The following ZMYND8 variants were observed in gnomAD, a reference collection of about 807,000 sequenced individuals.
ZMYND8 encodes the protein zinc finger MYND-type containing 8.
Under a neutral mutation model 140.8 loss-of-function variants are expected in ZMYND8, and 37 were observed. That is an observed-to-expected ratio of 0.26 (90% confidence interval 0.20 to 0.35). The LOEUF is 0.35. Ranked by LOEUF, ZMYND8 falls within the 10% of genes least tolerant of loss-of-function variation. ZMYND8 has a pLI of 1.00. For missense variants in ZMYND8, 1,068 were observed against 1,570.0 expected, an observed-to-expected ratio of 0.68 and a Z score of 5.40; for synonymous variants, 592 against 597.1, an observed-to-expected ratio of 0.99 and a Z score of 0.12.
intron 11 of ZMYND8, among the ~76,000 whole-genome samples, chr20:47,270,697 G>GAAAAAAAAAAAAA (rs34474269): frequency 9.2e-5 from 8 of 86,642 alleles, no homozygotes; most frequent in African/African-American, 1.4e-4. Context: ...CCCTGTCTCT[G>GAAAAAAAAAAAAA]AAAAAAAAAA....
chr20:47,276,378 C>A lies in ZMYND8; in HGVS notation c.1416G>T (p.Lys472Asn). The stretch of plus-strand genomic sequence containing the variant: ...CACTGAAGTGGCTCGACGTGGCCTT[C>A]TTCTCAGCATCCTGCTCCACGTCGG... Reference protein sequence around the residue: ...TGSDVEQDAEKKATSSHFSAS... With the variant: ...TGSDVEQDAENKATSSHFSAS... Residue 472 changes from lysine to asparagine, a missense_variant, in exon 11 of 23, where the codon AAG (lysine) becomes AAT (asparagine). Around this residue, in one of 10 missense-constraint regions of ZMYND8, gnomAD observed 173 missense variants for 223.3 expected, o/e 0.77. Coordinates refer to ENST00000471951, the MANE Select transcript of ZMYND8 (RefSeq NM_001281775.3). 1 of 1,605,508 alleles carries A rather than the reference C, an allele frequency of 6.2e-7. No homozygotes were observed. The highest frequency in any genetic ancestry group is 8.5e-7 in the Non-Finnish European group (1 of 1,172,968).
intron 2 of ZMYND8, among the ~76,000 whole-genome samples, chr20:47,311,584 T>C (rs1335822480): frequency 6.6e-6 from 1 of 152,114 alleles, no homozygotes; most frequent in African/African-American, 2.4e-5. Flanking sequence ...ATTTGTAGAA[T>C]GTGTTTCTAG....
intron 14 of ZMYND8, among the ~76,000 whole-genome samples, chr20:47,239,475 ACAGATTCAATGTT>A (rs1209654915): frequency 6.6e-6 from 1 of 152,214 alleles, no homozygotes; most frequent in Admixed American, 6.5e-5. Context: ...CGGTGGGCGA[ACAGATTCAATGTT>A]CACGCCCTTT....
At chr20:47,342,858 AAAAAG>A (rs1213798652) in intron 2 of ZMYND8, among the ~76,000 whole-genome samples, 19 of 151,814 alleles carry the variant, frequency 1.3e-4, no homozygotes, top group African/African-American at 2.7e-4. Context: ...AAAAAAAAAA[AAAAAG>A]AAAAGAAAGA....
intron 1 of ZMYND8, chr20:47,353,050 A>T (rs2082924489): frequency 6.6e-6 from 1 of 152,200 alleles, no homozygotes; most frequent in Non-Finnish European, 1.5e-5. Context: ...AGGCTGACAA[A>T]TGTCTGCTGC....
Position 47,238,784 on chromosome 20 carries a change from C to T in ZMYND8, c.2639G>A (p.Arg880Lys). 6.2e-7 allele frequency: 1 copy of T among 1,612,590 alleles called. No homozygotes were observed. ...QQQPQSSQGT[R>K]YQTRQAVKAV... ...TTTCACAGCCTGTCTGGTCTGATAT[C>T]TCGTCCCCTGGGAAGACTGAGGCTG... Residue 880 changes from arginine to lysine, a missense_variant, in exon 15 of 23, where the codon AGA becomes AAA. Physicochemically the swap from Arg to Lys is conservative, Grantham distance 26 (BLOSUM62 2). Transcript: ENST00000471951.
chr20:47,210,656 T>C lies in ZMYND8; in HGVS notation c.*105A>G. 6.3e-7 allele frequency: 1 copy of C among 1,599,570 alleles called. No homozygotes were observed. The highest frequency in any genetic ancestry group is 8.6e-7 in the Non-Finnish European group (1 of 1,168,598). On this transcript the variant is annotated 3_prime_UTR_variant, in exon 23 of 23. Coordinates refer to ENST00000471951, the MANE Select transcript of ZMYND8 (RefSeq NM_001281775.3). Reference sequence around the variant, plus strand: ...CAGGCTCAACTGAGGGTTTTGTCATTTTCAAGTCTGAAAGTGGCTGTTCTC... The same window carrying C: ...CAGGCTCAACTGAGGGTTTTGTCATCTTCAAGTCTGAAAGTGGCTGTTCTC...
intron 9 of ZMYND8, among the ~76,000 whole-genome samples, chr20:47,283,351 C>G (rs2076725761): frequency 6.6e-6 from 1 of 152,132 alleles, no homozygotes; most frequent in Non-Finnish European, 1.5e-5. Flanking sequence ...GCTAATCAAC[C>G]CAGGAAGCCA....
At chr20:47,252,001 A>T (rs1217768953) in intron 12 of ZMYND8, among the ~76,000 whole-genome samples, 1 of 152,074 alleles carries the variant, frequency 6.6e-6, no homozygotes, top group African/African-American at 2.4e-5. Context: ...AAAGAAAGAA[A>T]GAAAAGAGAA....
chr20:47,268,477 T>C (rs1408468609), intron 11 of ZMYND8, among the ~76,000 whole-genome samples: 1 of 151,708 alleles, frequency 6.6e-6, no homozygotes, highest in African/African-American at 2.4e-5. Flanking sequence ...GTATTTTTAA[T>C]AGAGACGGTG....
At chr20:47,266,484 G>T (rs2147636650) in intron 11 of ZMYND8, among the ~76,000 whole-genome samples, 1 of 152,260 alleles carries the variant, frequency 6.6e-6, no homozygotes, top group Non-Finnish European at 1.5e-5. Context: ...GTTTCACCAT[G>T]TTGGCCAGGC....
At chr20:47,352,026 A>C in intron 1 of ZMYND8, 1 of 985,136 alleles carries the variant, frequency 1.0e-6, no homozygotes, top group Non-Finnish European at 1.2e-6. Flanking sequence ...CTTCAACATG[A>C]GGCTCTGTGA....
intron 1 of ZMYND8, chr20:47,356,312 AAG>A (rs2083230657): frequency 7.5e-7 from 1 of 1,324,554 alleles, no homozygotes; most frequent in Non-Finnish European, 9.8e-7. Context: ...GAGAGAGGGG[AAG>A]AGAGAGGGAA....
In ZMYND8 at chr20:47,243,098, T is replaced by G. The variant is rs534121642; in HGVS notation, c.2284+2910A>C. On this transcript the variant is annotated intron_variant, in intron 14 of 22. Coordinates refer to ENST00000471951, the MANE Select transcript of ZMYND8 (RefSeq NM_001281775.3). ...AGCGAAGAGTCTAAGTGTGCTCTCT[T>G]TGCTTCTGTTCTGAGGTTATTAGCT... Among the ~76,000 whole-genome samples the G allele has an allele frequency of 3.0e-4, 45 of 152,348 alleles. 1 individual carries two copies. In the South Asian group the frequency reaches 8.3e-3, roughly 28 times the overall value.
chr20:47,341,389 T>C (rs1027744784), intron 2 of ZMYND8, among the ~76,000 whole-genome samples: 38 of 151,364 alleles, frequency 2.5e-4, no homozygotes, highest in Non-Finnish European at 2.8e-4. Flanking sequence ...TAGCCAGGCA[T>C]GGTGGTGCAT....
intron 10 of ZMYND8, among the ~76,000 whole-genome samples, chr20:47,280,158 G>T (rs1056293833): frequency 2.7e-5 from 4 of 148,860 alleles, no homozygotes; most frequent in African/African-American, 9.9e-5. Context: ...GGTGGTCAGA[G>T]ACTCCCTGCC....
rs112235347 is a variant in ZMYND8, at chr20:47,218,862, ACAAT to A, written c.3484+1392_3484+1395del. 3.1e-3 allele frequency among the ~76,000 whole-genome samples: 476 copies of A among 152,202 alleles called. 6 individuals are homozygous for A. Among genetic ancestry groups the A allele is most frequent in the African/African-American group, 9.4e-3 (389 of 41,544 alleles). ...TTAGGGAAACCGTTCCCAGCCCCTA[ACAAT>A]GGACATCACTTCTTCCTCCATGCAC... On this transcript the variant is annotated intron_variant, in intron 21 of 22. Transcript: ENST00000471951.
chr20:47,264,382 T>C (rs927479877), intron 11 of ZMYND8, among the ~76,000 whole-genome samples: 9 of 152,170 alleles, frequency 5.9e-5, no homozygotes, highest in African/African-American at 2.2e-4. Flanking sequence ...ATTCAAGCGA[T>C]TCTCCTGCCT....
chr20:47,250,635 G>A (rs1049500736), intron 12 of ZMYND8, among the ~76,000 whole-genome samples: 3 of 152,148 alleles, frequency 2.0e-5, no homozygotes, highest in African/African-American at 7.2e-5. Context: ...GAGCTGGGCT[G>A]GAAGCACTGT....
Sources: allele counts gnomAD v4.1 joint callset (sites outside exome capture counted in the v4.1 genomes callset), GRCh38; gene constraint gnomAD v4.1.1; regional missense constraint gnomAD v4.1.1; transcripts MANE v1.5; gene names NCBI Gene and HGNC (gene_info 2026-07-23, HGNC 2026-07-21).